The following ZFHX4 variants were observed in gnomAD, a reference collection of about 807,000 sequenced individuals.
The protein encoded by ZFHX4 is zinc finger homeobox protein 4.
Under a neutral mutation model 267.6 loss-of-function variants are expected in ZFHX4, and 56 were observed. The observed-to-expected ratio is 0.21, with a 90% confidence interval of 0.17 to 0.26. The LOEUF (loss-of-function observed/expected upper bound fraction) is 0.26, where lower values mean the gene tolerates loss of function less well. ZFHX4 is among the 10% of genes least tolerant of loss of function. ZFHX4 has a pLI of 1.00. For synonymous variants in ZFHX4, 1,778 were observed against 1,665.6 expected (o/e 1.07, Z -1.64); for missense variants, 4,332 against 4,420.0 (o/e 0.98, Z 0.56).
chr8:76,764,797 C>T (rs971264725), intron 3 of ZFHX4, among the ~76,000 whole-genome samples: 8 of 152,056 alleles, frequency 5.3e-5, no homozygotes, highest in Non-Finnish European at 7.4e-5. Flanking sequence ...GTAACTTTTG[C>T]GGTTATATTA....
intron 4 of ZFHX4, among the ~76,000 whole-genome samples, chr8:76,787,682 G>A (rs938387732): frequency 2.6e-5 from 4 of 151,402 alleles, no homozygotes; most frequent in East Asian, 3.9e-4. Flanking sequence ...GCATGGTGGC[G>A]GGAGCATGTA....
At chr8:76,807,457 G>T (rs865968992) in intron 4 of ZFHX4, among the ~76,000 whole-genome samples, 21 of 152,178 alleles carry the variant, frequency 1.4e-4, no homozygotes, top group African/African-American at 5.1e-4. Flanking sequence ...ACCAGGAATT[G>T]CATGTCAGTA....
chr8:76,714,170 C>G (rs1808504852), intron 3 of ZFHX4, among the ~76,000 whole-genome samples: 1 of 152,164 alleles, frequency 6.6e-6, no homozygotes, highest in Non-Finnish European at 1.5e-5. Flanking sequence ...AATTAATGTG[C>G]TCTCCCTGTG....
At position 76,849,443 on chromosome 8, in the gene ZFHX4, TACAAC is replaced by T. The variant is rs558419654; in HGVS notation, c.3646-68_3646-64del. 1,693 of 1,421,170 alleles carry T rather than the reference TACAAC, an allele frequency of 1.2e-3. 2 individuals are homozygous for T. The highest frequency in any genetic ancestry group is 1.6e-3 in the Non-Finnish European group (1,578 of 1,008,052). The allele number at this position is 1,421,170 out of a possible 1,614,324, so 88.0% of individuals were successfully genotyped here. On this transcript the variant is annotated intron_variant, in intron 7 of 10. Coordinates refer to ENST00000651372, the MANE Select transcript of ZFHX4 (RefSeq NM_024721.5). The stretch of plus-strand genomic sequence containing the variant: ...CAAAATATCACACGTACCCCCAAAA[TACAAC>T]TACTATGTATCAAATAAGAAATGCA...
intron 3 of ZFHX4, among the ~76,000 whole-genome samples, chr8:76,762,584 C>G (rs191864755): frequency 6.6e-6 from 1 of 152,226 alleles, no homozygotes; most frequent in Admixed American, 6.5e-5. Flanking sequence ...ATATGTTTTC[C>G]TAAAGTGTGC....
intron 3 of ZFHX4, among the ~76,000 whole-genome samples, chr8:76,759,465 T>C (rs1441368762): frequency 6.6e-6 from 1 of 152,220 alleles, no homozygotes; most frequent in Non-Finnish European, 1.5e-5. Flanking sequence ...TAGTGAGGTC[T>C]TGGTGATGAA....
chr8:76,778,190 GC>G lies in ZFHX4; in HGVS notation c.3094-16del. 1 of 1,543,590 alleles carries G rather than the reference GC, an allele frequency of 6.5e-7. No homozygotes were observed. Among genetic ancestry groups the G allele is most frequent in the Non-Finnish European group, 9.0e-7 (1 of 1,116,208 alleles). On this transcript the variant is annotated splice_polypyrimidine_tract_variant and intron_variant, in intron 3 of 10. Transcript: ENST00000651372. ...TGGAGCTAGACCATTGTTCTAATGAGCCTTCCCTTCCTTTCAGCACTTGCAG... is the reference window on the plus strand; with the variant it reads ...TGGAGCTAGACCATTGTTCTAATGAGCTTCCCTTCCTTTCAGCACTTGCAG...
intron 3 of ZFHX4, among the ~76,000 whole-genome samples, chr8:76,713,692 G>A (rs1808490251): frequency 6.6e-6 from 1 of 152,116 alleles, no homozygotes; most frequent in Non-Finnish European, 1.5e-5. Context: ...GGGGAATGAA[G>A]CCTTTTTATA....
chr8:76,799,360 A>C (rs994309221), intron 4 of ZFHX4, among the ~76,000 whole-genome samples: 2 of 152,208 alleles, frequency 1.3e-5, no homozygotes, highest in Non-Finnish European at 2.9e-5. Flanking sequence ...CACTGTGTGC[A>C]TTCAAAAATG....
At chr8:76,699,055 A>G (rs925357679) in intron 1 of ZFHX4, among the ~76,000 whole-genome samples, 1 of 152,110 alleles carries the variant, frequency 6.6e-6, no homozygotes, top group Non-Finnish European at 1.5e-5. Flanking sequence ...TGTGTGGTTC[A>G]CTCCGAATCA....
At position 76,864,627 on chromosome 8, in the gene ZFHX4, ACTTT is replaced by A; in HGVS notation, c.*63_*66del. Reference sequence around the variant, plus strand: ...AATAAAAAAATAAAAAAAAAATAAGACTTTAACTGCAGTTCCAAAGCTTCTCTAA... The same window carrying A: ...AATAAAAAAATAAAAAAAAAATAAGAAACTGCAGTTCCAAAGCTTCTCTAA... On this transcript the variant is annotated 3_prime_UTR_variant, in exon 11 of 11. Coordinates refer to ENST00000651372, the MANE Select transcript of ZFHX4 (RefSeq NM_024721.5). 1 of 1,239,298 alleles carries A rather than the reference ACTTT, an allele frequency of 8.1e-7. No homozygotes were observed. Among genetic ancestry groups the A allele is most frequent in the Non-Finnish European group, 1.1e-6 (1 of 927,384 alleles). 76.8% of individuals were successfully genotyped at this position (1,239,298 alleles called of 1,614,324 possible).
chr8:76,827,049 T>C (rs892563479), intron 4 of ZFHX4, among the ~76,000 whole-genome samples: 3 of 152,208 alleles, frequency 2.0e-5, no homozygotes, highest in Admixed American at 2.0e-4. Flanking sequence ...AAATTTCTTC[T>C]AGACAATAAA....
chr8:76,745,670 G>A (rs1166271077), intron 3 of ZFHX4, among the ~76,000 whole-genome samples: 1 of 152,016 alleles, frequency 6.6e-6, no homozygotes, highest in Non-Finnish European at 1.5e-5. Flanking sequence ...GTCAATGTTA[G>A]AGACAATTAG....
At chr8:76,744,868 C>T (rs1038685595) in intron 3 of ZFHX4, among the ~76,000 whole-genome samples, 1 of 152,156 alleles carries the variant, frequency 6.6e-6, no homozygotes, top group Non-Finnish European at 1.5e-5. Context: ...AGTATACGTC[C>T]TGTGCTTTCC....
intron 4 of ZFHX4, among the ~76,000 whole-genome samples, chr8:76,798,980 G>A (rs1164208399): frequency 6.6e-6 from 1 of 152,184 alleles, no homozygotes; most frequent in African/African-American, 2.4e-5. Context: ...GACATGTAAA[G>A]AGGAGAGGCA....
intron 4 of ZFHX4, among the ~76,000 whole-genome samples, chr8:76,827,099 C>T (rs1585984817): frequency 6.6e-6 from 1 of 152,338 alleles, no homozygotes; most frequent in East Asian, 1.9e-4. Context: ...TGGTCTCCAA[C>T]CTTTTTGGCA....
At chr8:76,701,268 G>A (rs1808095782) in intron 1 of ZFHX4, among the ~76,000 whole-genome samples, 1 of 152,074 alleles carries the variant, frequency 6.6e-6, no homozygotes, top group Admixed American at 6.6e-5. Context: ...TTTTGTTATT[G>A]TTGGTTTTAG....
rs574035060 is a variant in ZFHX4 at position 76,682,292 on chromosome 8, C to A, written c.-47+672C>A. Among the ~76,000 whole-genome samples, 21 of 152,346 alleles carry A rather than the reference C, an allele frequency of 1.4e-4. No individual in the cohort carries two copies. The East Asian group carries it at 4.1e-3, about 29-fold the overall frequency. On this transcript the variant is annotated intron_variant, in intron 1 of 10. Transcript: ENST00000651372. ...TTTTTCTTCCTCCTTTTACCACCCGCCCCTCTTCCCCTTCTCAAGTTCCCC... is the reference window on the plus strand; with the variant it reads ...TTTTTCTTCCTCCTTTTACCACCCGACCCTCTTCCCCTTCTCAAGTTCCCC...
At chr8:76,763,845 C>T (rs1052805410) in intron 3 of ZFHX4, among the ~76,000 whole-genome samples, 3 of 152,074 alleles carry the variant, frequency 2.0e-5, no homozygotes, top group Admixed American at 6.6e-5. Context: ...AATAATAATG[C>T]ATGTTGTAGA....
Sources: gnomAD v4.1 joint callset for allele counts (sites outside exome capture counted in the v4.1 genomes callset) on GRCh38, gnomAD v4.1.1 for gene constraint, MANE v1.5 for transcripts, NCBI Gene and HGNC (gene_info 2026-07-23, HGNC 2026-07-21) for gene names.